Variants in PTGFR observed in about 807,000 individuals in gnomAD.
The protein encoded by PTGFR is prostaglandin F receptor.
A neutral mutation model predicts 26.2 loss-of-function variants in PTGFR; 15 were observed. The ratio of observed to expected loss-of-function variants is 0.57; its 90% CI spans 0.38 to 0.88. PTGFR has a LOEUF of 0.88. Ranked by LOEUF, PTGFR falls within the 40% of genes least tolerant of loss-of-function variation. PTGFR has a pLI of 0.00. For synonymous variants in PTGFR, 165 were observed against 151.1 expected, an observed-to-expected ratio of 1.09 and a Z score of -0.68; for missense variants, 369 against 427.2, an observed-to-expected ratio of 0.86 and a Z score of 1.20.
chr1:78,517,594 G>A (rs1045715883), intron 2 of PTGFR, among the ~76,000 whole-genome samples: 1 of 152,112 alleles, frequency 6.6e-6, no homozygotes, highest in African/African-American at 2.4e-5. Flanking sequence ...AAACCCAATA[G>A]CAGGGATGAG....
chr1:78,514,337 T>C (rs1650043139), intron 2 of PTGFR, among the ~76,000 whole-genome samples: 1 of 152,176 alleles, frequency 6.6e-6, no homozygotes, highest in Admixed American at 6.5e-5. Flanking sequence ...GGATGCAGGA[T>C]GTGGAGTTAA....
intron 2 of PTGFR, chr1:78,498,047 A>C: frequency 1.1e-6 from 1 of 907,114 alleles, no homozygotes; most frequent in South Asian, 1.7e-5. Context: ...ATAGTTAAAC[A>C]TTGTTTGGTC....
chr1:78,493,617 C>T, intron 2 of PTGFR, 76 bp downstream of exon 2: 1 of 1,361,012 alleles, frequency 7.3e-7, no homozygotes, highest in East Asian at 2.4e-5. Context: ...GAAGTTCAGT[C>T]TTTTAAATGC....
chr1:78,529,484 T>C (rs1156482655), intron 2 of PTGFR, among the ~76,000 whole-genome samples: 1 of 152,188 alleles, frequency 6.6e-6, no homozygotes, highest in Non-Finnish European at 1.5e-5. Flanking sequence ...TAATCATATC[T>C]GGAATGAGCC....
At chr1:78,511,647 A>G (rs1271839560) in intron 2 of PTGFR, among the ~76,000 whole-genome samples, 3 of 152,202 alleles carry the variant, frequency 2.0e-5, no homozygotes, top group Admixed American at 1.3e-4. Flanking sequence ...ATTGTCTTGT[A>G]TATTAGCACA....
rs1398575704 is a variant in PTGFR at position 78,492,760 on chromosome 1, C to T, written c.17C>T (p.Ser6Phe). Residue 6 changes from serine (S) to phenylalanine (F), a missense_variant, in exon 2 of 3, where the codon TCC becomes TTC. Physicochemically the swap from Ser to Phe is radical, Grantham distance 155. Transcript: ENST00000370757. ...TCCACAACAATGTCCATGAACAATT[C>T]CAAACAGCTAGTGTCTCCTGCAGCT... Reference protein sequence around the residue: MSMNNSKQLVSPAAAL... With the variant: MSMNNFKQLVSPAAAL... 1 of 1,612,666 alleles carries T rather than the reference C, an allele frequency of 6.2e-7. No homozygotes were observed. The highest frequency in any genetic ancestry group is 8.5e-7 in the Non-Finnish European group (1 of 1,179,278).
intron 2 of PTGFR, among the ~76,000 whole-genome samples, chr1:78,518,903 C>T (rs12748050): frequency 0.13 from 19,562 of 151,990 alleles, 1,684 homozygotes; most frequent in Non-Finnish European, 0.2. Context: ...GACAGAGCAC[C>T]GTAGCTAACC....
At chr1:78,516,225 T>C (rs1205149548) in intron 2 of PTGFR, among the ~76,000 whole-genome samples, 3 of 152,208 alleles carry the variant, frequency 2.0e-5, no homozygotes, top group African/African-American at 7.2e-5. Flanking sequence ...GTAGATTTCC[T>C]TAGATGTGGA....
At chr1:78,499,995 GATTAA>G (rs1014985432) in intron 2 of PTGFR, among the ~76,000 whole-genome samples, 5 of 151,950 alleles carry the variant, frequency 3.3e-5, no homozygotes, top group African/African-American at 1.2e-4. Context: ...CAGAAATTTG[GATTAA>G]TTTATCCCCA....
intron 2 of PTGFR, among the ~76,000 whole-genome samples, chr1:78,512,957 T>C (rs552359161): frequency 1.6e-3 from 240 of 152,344 alleles, no homozygotes; most frequent in African/African-American, 5.6e-3. Context: ...TATAACCGTA[T>C]GCTTCCTAAT....
intron 1 of PTGFR, among the ~76,000 whole-genome samples, chr1:78,492,190 T>A (rs921298974): frequency 6.6e-6 from 1 of 152,140 alleles, no homozygotes; most frequent in Non-Finnish European, 1.5e-5. Flanking sequence ...CTTCCAAAGT[T>A]TGGAGATAGT....
At chr1:78,531,266 C>A (rs1163284096) in intron 2 of PTGFR, among the ~76,000 whole-genome samples, 1 of 152,146 alleles carries the variant, frequency 6.6e-6, no homozygotes, top group East Asian at 1.9e-4. Context: ...GATGGCAGAG[C>A]TTCTTTAAAC....
intron 2 of PTGFR, among the ~76,000 whole-genome samples, chr1:78,516,258 T>C (rs1444985145): frequency 6.6e-6 from 1 of 152,194 alleles, no homozygotes; most frequent in Non-Finnish European, 1.5e-5. Context: ...CTATGTATGT[T>C]CAGAGGGTTT....
At chr1:78,511,370 G>A (rs1419148076) in intron 2 of PTGFR, among the ~76,000 whole-genome samples, 1 of 152,206 alleles carries the variant, frequency 6.6e-6, no homozygotes, top group Non-Finnish European at 1.5e-5. Flanking sequence ...TGCATTCTGT[G>A]CACCTATAGG....
At chr1:78,525,595 T>C (rs1306388136) in intron 2 of PTGFR, among the ~76,000 whole-genome samples, 1 of 152,044 alleles carries the variant, frequency 6.6e-6, no homozygotes, top group Non-Finnish European at 1.5e-5. Flanking sequence ...TATGTAGGCA[T>C]AATTGATTGA....
chr1:78,519,132 C>T (rs1262983537), intron 2 of PTGFR, among the ~76,000 whole-genome samples: 1 of 152,118 alleles, frequency 6.6e-6, no homozygotes, highest in East Asian at 1.9e-4. Flanking sequence ...CAATAAGCAT[C>T]TTCATCAGTG....
At position 78,529,897 on chromosome 1, in the gene PTGFR, T is replaced by C. The variant is rs947513731; in HGVS notation, c.799-6509T>C. On this transcript the variant is annotated intron_variant, in intron 2 of 2. Coordinates refer to ENST00000370757, the MANE Select transcript of PTGFR (RefSeq NM_000959.4). ...GAGCACAAACCCTACTGTGAACACA[T>C]GGGAGGGATTTAGATTGCACGCTCC... Among the ~76,000 whole-genome samples, 7 of 151,972 alleles carry C rather than the reference T, an allele frequency of 4.6e-5. No homozygotes were observed. The East Asian group carries it at 1.4e-3, about 29-fold the overall frequency.
chr1:78,519,969 C>G (rs1390221718), intron 2 of PTGFR, among the ~76,000 whole-genome samples: 1 of 152,024 alleles, frequency 6.6e-6, no homozygotes, highest in Admixed American at 6.6e-5. Context: ...ATTATCTCAT[C>G]TTTTCTTCAC....
chr1:78,500,997 C>G (rs1224171265), intron 2 of PTGFR, among the ~76,000 whole-genome samples: 1 of 151,490 alleles, frequency 6.6e-6, no homozygotes, highest in Non-Finnish European at 1.5e-5. Context: ...CTTAGAAAAA[C>G]ATGACCTTTT....
Sources: gnomAD v4.1 joint callset for allele counts (sites outside exome capture counted in the v4.1 genomes callset) on GRCh38, gnomAD v4.1.1 for gene constraint, MANE v1.5 for transcripts, NCBI Gene and HGNC (gene_info 2026-07-23, HGNC 2026-07-21) for gene names.